Variants in CTCF observed in about 807,000 individuals in gnomAD.
CTCF encodes the protein CCCTC-binding factor, also known as transcriptional repressor CTCF.
CTCF carries 7 observed loss-of-function variants against 72.3 expected under a neutral mutation model. That is an observed-to-expected ratio of 0.10 (90% CI 0.06 to 0.18). CTCF has a LOEUF of 0.18. Among genes scored for constraint, CTCF ranks in the 10% least tolerant of loss-of-function variants. The pLI is 1.00. For synonymous variants in CTCF, 374 were observed against 315.8 expected, an observed-to-expected ratio of 1.18 and a Z score of -1.95; for missense variants, 516 against 949.1, an observed-to-expected ratio of 0.54 and a Z score of 6.00.
intron 1 of CTCF, among the ~76,000 whole-genome samples, chr16:67,570,145 C>T (rs552448596): frequency 3.1e-4 from 46 of 149,518 alleles, no homozygotes; most frequent in African/African-American, 9.7e-4. Flanking sequence ...GGCAGGATCT[C>T]GGCTCACTGC....
chr16:67,624,101 G>GTGTGTA (rs2052245041), intron 7 of CTCF, among the ~76,000 whole-genome samples: 1 of 132,508 alleles, frequency 7.5e-6, no homozygotes, highest in African/African-American at 3.1e-5. Flanking sequence ...GTGTGTGTGT[G>GTGTGTA]TGTGTGTGTG....
At chr16:67,636,566 A>AGT (rs962647587) in intron 10 of CTCF, 124 bp from the exon 11 acceptor site, 11 of 297,496 alleles carry the variant, frequency 3.7e-5, no homozygotes, top group African/African-American at 1.5e-4. Context: ...AAAGAAAGAA[A>AGT]GTGTATATAT....
intron 10 of CTCF, among the ~76,000 whole-genome samples, chr16:67,630,483 A>AGTG (rs1352087472): frequency 6.6e-6 from 1 of 152,152 alleles, no homozygotes; most frequent in African/African-American, 2.4e-5. Flanking sequence ...GGTCGGGCAC[A>AGTG]GTGGCTCATG....
Position 67,610,824 on chromosome 16 carries a change from G to T in CTCF, c.-9G>T. 2 of 1,460,422 alleles carry T rather than the reference G, an allele frequency of 1.4e-6. No individual in the cohort carries two copies. Among genetic ancestry groups the T allele is most frequent in the East Asian group, 4.6e-5 (2 of 43,174 alleles). 90.5% of individuals were successfully genotyped at this position (1,460,422 alleles called of 1,614,324 possible). A position where few individuals can be genotyped will look rare whatever the true frequency, so the allele number is the denominator to read the frequency against. ...CAATCTGTGTTCTCCCTTAATAAAG[G>T]CAGGGGAAATGGAAGGTGATGCAGT... On this transcript the variant is annotated splice_region_variant and 5_prime_UTR_variant, in exon 3 of 12. Coordinates refer to ENST00000264010, the MANE Select transcript of CTCF (RefSeq NM_006565.4).
intron 7 of CTCF, among the ~76,000 whole-genome samples, chr16:67,624,069 ATATGTGTGTGTGTGTGTGTG>A (rs1401080737): frequency 2.2e-5 from 2 of 91,458 alleles, no homozygotes; most frequent in East Asian, 3.8e-4. Context: ...AAAAAATTAT[ATATGTGTGTGTGTGTGTGTG>A]TGTGTGTGTG....
intron 10 of CTCF, among the ~76,000 whole-genome samples, chr16:67,635,824 C>T (rs79947922): frequency 1.3e-5 from 2 of 152,140 alleles, no homozygotes; most frequent in Admixed American, 1.3e-4. Context: ...TAAGGTCTCA[C>T]TATGTTACCC....
intron 2 of CTCF, among the ~76,000 whole-genome samples, chr16:67,597,013 A>G (rs1053826378): frequency 6.6e-6 from 1 of 151,980 alleles, no homozygotes; most frequent in African/African-American, 2.4e-5. Context: ...TTTTCTTTTT[A>G]AAGTTTTGTG....
chr16:67,608,459 A>G (rs907509896), intron 2 of CTCF, among the ~76,000 whole-genome samples: 2 of 152,202 alleles, frequency 1.3e-5, no homozygotes, highest in African/African-American at 4.8e-5. Context: ...CAGTGTCTAC[A>G]AACACGGCCA....
chr16:67,600,118 G>T (rs1212761396), intron 2 of CTCF, among the ~76,000 whole-genome samples: 2 of 152,162 alleles, frequency 1.3e-5, no homozygotes, highest in Non-Finnish European at 2.9e-5. Flanking sequence ...AAGGCCCTTG[G>T]GTTGACTCTG....
intron 2 of CTCF, among the ~76,000 whole-genome samples, chr16:67,588,652 G>C (rs1335312680): frequency 6.6e-6 from 1 of 151,998 alleles, no homozygotes; most frequent in African/African-American, 2.4e-5. Context: ...AAATAAACAG[G>C]CTACCCTTAA....
intron 2 of CTCF, among the ~76,000 whole-genome samples, chr16:67,604,712 A>G (rs1330741844): frequency 2.0e-5 from 3 of 149,638 alleles, no homozygotes; most frequent in African/African-American, 5.0e-5. Flanking sequence ...ATAGATTACT[A>G]AAATTAATTT....
At chr16:67,585,581 G>T (rs1181528066) in intron 2 of CTCF, among the ~76,000 whole-genome samples, 2 of 152,042 alleles carry the variant, frequency 1.3e-5, no homozygotes, top group East Asian at 1.9e-4. Context: ...AGGCAGTATT[G>T]GTTAGCACTT....
intron 7 of CTCF, among the ~76,000 whole-genome samples, chr16:67,624,085 G>A (rs1331359246): frequency 1.1e-4 from 13 of 122,674 alleles, no homozygotes; most frequent in South Asian, 5.3e-4. Context: ...GTGTGTGTGT[G>A]TGTGTGTGTG....
intron 10 of CTCF, among the ~76,000 whole-genome samples, chr16:67,629,745 C>CTTTTTTTTTTTTTTTTTTT (rs1567616725): frequency 1.2e-5 from 1 of 85,030 alleles, no homozygotes; most frequent in Non-Finnish European, 2.3e-5. Flanking sequence ...TCATTAATGC[C>CTTTTTTTTTTTTTTTTTTT]CTTTTTTTTT....
intron 2 of CTCF, chr16:67,572,376 G>C (rs2051434845): frequency 6.6e-6 from 1 of 152,160 alleles, no homozygotes; most frequent in Admixed American, 6.6e-5. Flanking sequence ...GAACCTTTAA[G>C]AGTTTAGGGA....
At chr16:67,624,986 G>A (rs1027725989) in intron 7 of CTCF, among the ~76,000 whole-genome samples, 10 of 152,008 alleles carry the variant, frequency 6.6e-5, no homozygotes, top group Non-Finnish European at 1.0e-4. Context: ...GTAGAGTGGC[G>A]CGATCTCGGC....
intron 2 of CTCF, among the ~76,000 whole-genome samples, chr16:67,575,482 G>T (rs1311329706): frequency 6.6e-6 from 1 of 151,898 alleles, no homozygotes; most frequent in Non-Finnish European, 1.5e-5. Flanking sequence ...GTCTCGCTCT[G>T]TCGCCAGGCT....
Position 67,571,183 on chromosome 16 carries a change from G to A in CTCF, c.-91G>A, listed in dbSNP as rs750834324. ...GACCTGAAGCCAAAGAACAAGATGC[G>A]CTAGTGGACAGATTGCTGACCAGGG... is the stretch of plus-strand genomic sequence containing the variant. On this transcript the variant is annotated 5_prime_UTR_variant, in exon 2 of 12. Coordinates refer to ENST00000264010, the MANE Select transcript of CTCF (RefSeq NM_006565.4). 6.6e-6 allele frequency: 1 copy of A among 152,528 alleles called. No individual in the cohort carries two copies. Among genetic ancestry groups the A allele is most frequent in the Non-Finnish European group, 1.5e-5 (1 of 68,034 alleles). 9.4% of individuals were successfully genotyped at this position (152,528 alleles called of 1,614,324 possible).
intron 2 of CTCF, among the ~76,000 whole-genome samples, chr16:67,606,594 C>T (rs1023910809): frequency 3.3e-5 from 5 of 152,096 alleles, no homozygotes; most frequent in Non-Finnish European, 5.9e-5. Context: ...TCAGGTGGTC[C>T]TGGCTTAAGG....
Sources: gnomAD v4.1 joint callset for allele counts (sites outside exome capture counted in the v4.1 genomes callset) on GRCh38, gnomAD v4.1.1 for gene constraint, MANE v1.5 for transcripts, NCBI Gene and HGNC (gene_info 2026-07-23, HGNC 2026-07-21) for gene names.